AP1S3: variants seen among roughly 807,000 people sequenced by gnomAD.
AP1S3 encodes the protein adaptor related protein complex 1 subunit sigma 3.
AP1S3 carries 10 observed loss-of-function variants against 20.9 expected under a neutral mutation model. The ratio of observed to expected loss-of-function variants is 0.48; its 90% confidence interval spans 0.29 to 0.81. AP1S3 has a LOEUF of 0.81. AP1S3 is among the 30% of genes least tolerant of loss of function. The probability of loss-of-function intolerance (pLI) is 0.08; values close to 1 mark genes in which losing one functional copy is unlikely to be tolerated. For missense variants in AP1S3, 154 were observed against 183.8 expected (o/e 0.84, Z 0.94); for synonymous variants, 41 against 61.5 (o/e 0.67, Z 1.56).
At chr2:223,810,932 GCTC>G (rs984519904) in intron 1 of AP1S3, among the ~76,000 whole-genome samples, 5 of 151,374 alleles carry the variant, frequency 3.3e-5, no homozygotes, top group Middle Eastern at 6.8e-3. Context: ...TTAAATTTTG[GCTC>G]CTTTTTTTAA....
chr2:223,821,305 GCCACCACAC>G (rs1691982076), intron 1 of AP1S3, among the ~76,000 whole-genome samples: 1 of 152,020 alleles, frequency 6.6e-6, no homozygotes, highest in Non-Finnish European at 1.5e-5. Context: ...ACAGGCACCC[GCCACCACAC>G]CCAGCTAATT....
intron 1 of AP1S3, among the ~76,000 whole-genome samples, chr2:223,812,135 T>C (rs1296428234): frequency 1.3e-5 from 2 of 152,240 alleles, no homozygotes; most frequent in Non-Finnish European, 2.9e-5. Context: ...CCAAATATTA[T>C]AGAATAACAC....
intron 3 of AP1S3, chr2:223,770,361 C>T (rs950271443): frequency 6.8e-5 from 105 of 1,548,666 alleles, no homozygotes; most frequent in Admixed American, 3.2e-4. Context: ...AATGAAAATT[C>T]TCCAGGAACT....
At chr2:223,794,225 T>C (rs949190384) in intron 1 of AP1S3, among the ~76,000 whole-genome samples, 2 of 152,132 alleles carry the variant, frequency 1.3e-5, no homozygotes, top group Non-Finnish European at 2.9e-5. Context: ...ATTAATATTC[T>C]GGGTGGAGAA....
chr2:223,765,437 A>G, intron 3 of AP1S3, 87 bp from the exon 4 acceptor site: 1 of 1,408,066 alleles, frequency 7.1e-7, no homozygotes, highest in South Asian at 1.4e-5. Flanking sequence ...TTCAGTTTGC[A>G]CTCATGTGGC....
intron 1 of AP1S3, among the ~76,000 whole-genome samples, chr2:223,805,786 T>C (rs1021059257): frequency 6.6e-6 from 1 of 152,224 alleles, no homozygotes; most frequent in Non-Finnish European, 1.5e-5. Context: ...TTTGCTTTAT[T>C]CTTTTTTACC....
intron 1 of AP1S3, among the ~76,000 whole-genome samples, chr2:223,804,183 C>T (rs1422756086): frequency 6.6e-6 from 1 of 152,144 alleles, no homozygotes. Context: ...TTAGGTCCTA[C>T]CCCTGGCTCC....
chr2:223,801,872 A>T (rs1001843042), intron 1 of AP1S3, among the ~76,000 whole-genome samples: 6 of 152,230 alleles, frequency 3.9e-5, no homozygotes, highest in Admixed American at 1.3e-4. Flanking sequence ...TAAAAATTCA[A>T]CTGACGACAA....
chr2:223,781,435 T>C (rs937490333), intron 1 of AP1S3, among the ~76,000 whole-genome samples: 12 of 151,920 alleles, frequency 7.9e-5, no homozygotes, highest in African/African-American at 2.7e-4. Flanking sequence ...AACACAGGTA[T>C]AAACAATTCA....
At chr2:223,774,120 G>A (rs10169710) in intron 3 of AP1S3, among the ~76,000 whole-genome samples, 99,169 of 152,114 alleles carry the variant, frequency 0.65, 33,062 homozygotes, top group East Asian at 0.81. Context: ...ATCCCAGCAC[G>A]TTGGGAGGCC....
intron 4 of AP1S3, among the ~76,000 whole-genome samples, chr2:223,764,499 C>T (rs1423980901): frequency 3.3e-5 from 5 of 152,078 alleles, no homozygotes; most frequent in African/African-American, 7.2e-5. Context: ...TCTAAAAGAA[C>T]ATTCCCACTT....
chr2:223,802,675 T>C (rs764182152), intron 1 of AP1S3, among the ~76,000 whole-genome samples: 1 of 152,116 alleles, frequency 6.6e-6, no homozygotes, highest in Non-Finnish European at 1.5e-5. Context: ...CTCTTAATAG[T>C]GTACTTCACT....
rs574795283 is a variant in AP1S3 at position 223,770,067 on chromosome 2, A to G, written c.292-4717T>C. The stretch of plus-strand genomic sequence containing the variant: ...CCGCGATCCTATTTTTAAAAACCGT[A>G]TATGTTTAGAGGGACATGTAAAAAT... On this transcript the variant is annotated intron_variant, in intron 3 of 4. Transcript: ENST00000396654. 8 of 1,386,242 alleles carry G rather than the reference A, an allele frequency of 5.8e-6. No individual in the cohort carries two copies. In the African/African-American group the frequency reaches 7.3e-5, roughly 13 times the overall value. 85.9% of individuals were successfully genotyped at this position (1,386,242 alleles called of 1,614,324 possible). A position where few individuals can be genotyped will look rare whatever the true frequency, so the allele number is the denominator to read the frequency against.
chr2:223,763,723 C>A lies in AP1S3; in HGVS notation c.429+1490G>T, dbSNP rs199849215. On this transcript the variant is annotated intron_variant, in intron 4 of 4. Coordinates refer to ENST00000396654, the MANE Select transcript of AP1S3 (RefSeq NM_001039569.2). ...TCTAATAGGCACACGCAGCTGCTTA[C>A]GGCACCCACTCAAATAGATGTTTTC... Among the ~76,000 whole-genome samples, 5 of 152,270 alleles carry A rather than the reference C, an allele frequency of 3.3e-5. No individual in the cohort carries two copies. The East Asian group carries it at 9.6e-4, about 29-fold the overall frequency.
intron 1 of AP1S3, among the ~76,000 whole-genome samples, chr2:223,834,808 T>G (rs1692358307): frequency 6.6e-6 from 1 of 151,660 alleles, no homozygotes; most frequent in Admixed American, 6.6e-5. Flanking sequence ...ACATTAAACA[T>G]AAATAACATT....
chr2:223,778,367 C>T (rs752358055), intron 1 of AP1S3, among the ~76,000 whole-genome samples: 81 of 152,060 alleles, frequency 5.3e-4, no homozygotes, highest in Non-Finnish European at 1.0e-3. Context: ...CTCAGGTGAT[C>T]GCCCCACCTC....
intron 1 of AP1S3, 44 bp downstream of exon 1, chr2:223,837,404 G>GA (rs1203552712): frequency 8.6e-7 from 1 of 1,166,502 alleles, no homozygotes; most frequent in Admixed American, 4.3e-5. Context: ...CGGAGCGCGA[G>GA]CGCCCCCACC....
rs143522432 is a variant in AP1S3 at position 223,771,917 on chromosome 2, G to A, written c.291+3984C>T. Among the ~76,000 whole-genome samples, 402 of 152,252 alleles carry A rather than the reference G, an allele frequency of 2.6e-3. 3 individuals carry two copies. Among genetic ancestry groups the A allele is most frequent in the African/African-American group, 9.1e-3 (379 of 41,556 alleles). ...AGGCCAGGAGTTTGAGACCAGCCTG[G>A]CCAACATGGCAAAAACCCATCTCTA... On this transcript the variant is annotated intron_variant, in intron 3 of 4. Transcript: ENST00000396654.
At chr2:223,836,530 A>T (rs539185766) in intron 1 of AP1S3, among the ~76,000 whole-genome samples, 1 of 152,352 alleles carries the variant, frequency 6.6e-6, no homozygotes, top group East Asian at 1.9e-4. Context: ...ACCTGAGGTC[A>T]GGAGTTCGAG....
Sources: gnomAD v4.1 joint callset for allele counts (sites outside exome capture counted in the v4.1 genomes callset) on GRCh38, gnomAD v4.1.1 for gene constraint, MANE v1.5 for transcripts, NCBI Gene and HGNC (gene_info 2026-07-23, HGNC 2026-07-21) for gene names.